The following FARS2 variants were observed in gnomAD, a reference collection of about 807,000 sequenced individuals.
The protein encoded by FARS2 is phenylalanine--tRNA ligase, mitochondrial.
Under a neutral mutation model 46.4 loss-of-function variants are expected in FARS2, and 40 were observed. That is an observed-to-expected ratio of 0.86 (90% confidence interval 0.67 to 1.12). The LOEUF is 1.12. Ranked by LOEUF, FARS2 falls within the 50% of genes most tolerant of loss-of-function variation. The pLI is 0.00. For missense variants in FARS2, 513 were observed against 567.9 expected (o/e 0.90, Z 0.98); for synonymous variants, 234 against 214.9 (o/e 1.09, Z -0.78).
At chr6:5,604,356 C>T (rs1180306097) in intron 5 of FARS2, among the ~76,000 whole-genome samples, 1 of 152,108 alleles carries the variant, frequency 6.6e-6, no homozygotes, top group African/African-American at 2.4e-5. Context: ...TTGTTGATGT[C>T]TTGGAGTCAC....
Position 5,295,522 on chromosome 6 carries a change from CAAAT to C in FARS2, c.-22+33870_-22+33873del, listed in dbSNP as rs1048333506. Among the ~76,000 whole-genome samples the C allele has an allele frequency of 4.9e-4, 74 of 151,908 alleles. 1 individual carries two copies. The highest frequency in any genetic ancestry group is 1.6e-3 in the African/African-American group (66 of 41,438). ...ATAAAACGTTTTAAAAAGGATCAAGCAAATAAATAAAATAGTCTTGGTAATGATA... is the reference window on the plus strand; with the variant it reads ...ATAAAACGTTTTAAAAAGGATCAAGCAAATAAAATAGTCTTGGTAATGATA... On this transcript the variant is annotated intron_variant, in intron 1 of 6. Coordinates refer to ENST00000274680, the MANE Select transcript of FARS2 (RefSeq NM_006567.5).
chr6:5,350,438 C>T (rs1027472128), intron 1 of FARS2, among the ~76,000 whole-genome samples: 17 of 152,076 alleles, frequency 1.1e-4, no homozygotes, highest in Admixed American at 3.3e-4. Context: ...TCTGCTATAG[C>T]GATAGTAACG....
intron 5 of FARS2, 83 bp from the exon 6 acceptor site, chr6:5,613,086 T>A: frequency 1.7e-6 from 2 of 1,197,674 alleles, no homozygotes; most frequent in Admixed American, 4.0e-5. Context: ...TCCTAATTAG[T>A]CAAGTGCAAC....
intron 4 of FARS2, among the ~76,000 whole-genome samples, chr6:5,500,549 A>T (rs6597136): frequency 0.49 from 74,598 of 151,982 alleles, 19,185 homozygotes; most frequent in Non-Finnish European, 0.57. Flanking sequence ...CTGTGCAGTT[A>T]CCTTCAGTGT....
At chr6:5,707,151 A>T (rs1344610602) in intron 6 of FARS2, among the ~76,000 whole-genome samples, 1 of 152,140 alleles carries the variant, frequency 6.6e-6, no homozygotes, top group Non-Finnish European at 1.5e-5. Flanking sequence ...TGCCGAAAGG[A>T]ATGAATGTGT....
At chr6:5,744,245 G>A (rs1280257494) in intron 6 of FARS2, among the ~76,000 whole-genome samples, 2 of 152,162 alleles carry the variant, frequency 1.3e-5, no homozygotes, top group African/African-American at 4.8e-5. Flanking sequence ...GAACAGGGGT[G>A]GAGAGACCAA....
chr6:5,603,762 G>A (rs968005880), intron 5 of FARS2, among the ~76,000 whole-genome samples: 4 of 152,178 alleles, frequency 2.6e-5, no homozygotes, highest in African/African-American at 4.8e-5. Context: ...CATTTTAAAT[G>A]TATTACCTCC....
chr6:5,737,259 G>A (rs367974898), intron 6 of FARS2, among the ~76,000 whole-genome samples: 26 of 152,328 alleles, frequency 1.7e-4, no homozygotes, highest in African/African-American at 5.5e-4. Context: ...CTGGCCGGGC[G>A]CAATGGCTCA....
intron 6 of FARS2, among the ~76,000 whole-genome samples, chr6:5,742,655 C>T (rs985704934): frequency 6.6e-6 from 1 of 151,852 alleles, no homozygotes; most frequent in Non-Finnish European, 1.5e-5. Context: ...CTCCCACCAC[C>T]CCGCCACTTC....
intron 2 of FARS2, among the ~76,000 whole-genome samples, chr6:5,386,048 T>TAG (rs750048924): frequency 2.6e-5 from 4 of 152,106 alleles, no homozygotes; most frequent in Non-Finnish European, 5.9e-5. Flanking sequence ...CCTATATATA[T>TAG]AGAGAGAGAT....
chr6:5,740,345 G>A (rs542694987), intron 6 of FARS2, among the ~76,000 whole-genome samples: 1 of 152,148 alleles, frequency 6.6e-6, no homozygotes, highest in Non-Finnish European at 1.5e-5. Context: ...TCATTGTAGA[G>A]CAGCCTGCCT....
At chr6:5,341,221 A>ATATC (rs1561969998) in intron 1 of FARS2, among the ~76,000 whole-genome samples, 4 of 4,996 alleles carry the variant, frequency 8.0e-4, no homozygotes, top group African/African-American at 3.2e-3. Context: ...ATATATATAT[A>ATATC]TATATATATA....
At chr6:5,535,235 G>C (rs146758629) in intron 4 of FARS2, among the ~76,000 whole-genome samples, 1,595 of 152,008 alleles carry the variant, frequency 0.01, 24 homozygotes, top group African/African-American at 0.037. Flanking sequence ...CATTTATTTC[G>C]AAGTACTTTA....
At chr6:5,276,789 C>T (rs183653946) in intron 1 of FARS2, among the ~76,000 whole-genome samples, 31 of 152,244 alleles carry the variant, frequency 2.0e-4, no homozygotes, top group Admixed American at 5.9e-4. Context: ...TGTACTAAGC[C>T]GGGCATCCAG....
At chr6:5,301,737 C>T (rs1238607168) in intron 1 of FARS2, among the ~76,000 whole-genome samples, 1 of 150,988 alleles carries the variant, frequency 6.6e-6, no homozygotes, top group African/African-American at 2.4e-5. Context: ...AACTAACATT[C>T]TAGTTTTATT....
At chr6:5,539,898 G>A (rs758821717) in intron 4 of FARS2, among the ~76,000 whole-genome samples, 15 of 152,068 alleles carry the variant, frequency 9.9e-5, no homozygotes, top group Middle Eastern at 3.2e-3. Context: ...TCCAGCTGGC[G>A]GTGCTCCCTC....
intron 5 of FARS2, among the ~76,000 whole-genome samples, chr6:5,602,581 A>G (rs915497306): frequency 7.8e-6 from 1 of 128,280 alleles, no homozygotes; most frequent in African/African-American, 2.8e-5. Flanking sequence ...CAGGAGGCAG[A>G]GGTTGCAGTG....
intron 6 of FARS2, among the ~76,000 whole-genome samples, chr6:5,641,283 G>GTTTATTTTATTTTATTTTAT (rs546965598): frequency 4.5e-4 from 68 of 151,744 alleles, no homozygotes; most frequent in African/African-American, 1.5e-3. Context: ...CGTGTCCCCA[G>GTTTATTTTATTTTATTTTAT]TTTATTTTAT....
intron 2 of FARS2, among the ~76,000 whole-genome samples, chr6:5,392,765 C>T (rs1562007173): frequency 5.2e-5 from 5 of 96,412 alleles, no homozygotes; most frequent in Non-Finnish European, 1.0e-4. Context: ...CACACACACA[C>T]ACACATGTAT....
Sources: allele counts gnomAD v4.1 joint callset (sites outside exome capture counted in the v4.1 genomes callset), GRCh38; gene constraint gnomAD v4.1.1; transcripts MANE v1.5; gene names NCBI Gene and HGNC (gene_info 2026-07-23, HGNC 2026-07-21).